SCOC: variants seen among roughly 807,000 people sequenced by gnomAD.
The protein encoded by SCOC is short coiled coil protein.
SCOC carries 7 observed loss-of-function variants against 9.9 expected under a neutral mutation model. The ratio of observed to expected loss-of-function variants is 0.71; its 90% confidence interval spans 0.40 to 1.33. The LOEUF (loss-of-function observed/expected upper bound fraction) is 1.33, where lower values mean the gene tolerates loss of function less well. SCOC is among the 40% of genes most tolerant of loss of function. The pLI is 0.01. For synonymous variants in SCOC, 19 were observed against 28.2 expected (o/e 0.67, Z 1.03); for missense variants, 66 against 89.7 (o/e 0.74, Z 1.07).
At chr4:140,360,714 T>G (rs1377886673) in intron 2 of SCOC, 1 of 152,232 alleles carries the variant, frequency 6.6e-6, no homozygotes, top group Non-Finnish European at 1.5e-5. Flanking sequence ...CCAATGTCTG[T>G]GGACCTGCCT....
intron 1 of SCOC, among the ~76,000 whole-genome samples, chr4:140,317,687 T>G (rs1439109831): frequency 6.9e-6 from 1 of 143,980 alleles, no homozygotes; most frequent in Non-Finnish European, 1.5e-5. Flanking sequence ...TTTATTTGTA[T>G]TATTATTATT....
chr4:140,377,192 G>T (rs358309), intron 1 of SCOC, among the ~76,000 whole-genome samples: 1 of 152,164 alleles, frequency 6.6e-6, no homozygotes, highest in Non-Finnish European at 1.5e-5. Context: ...CTGGTTACAG[G>T]TGTGCTTCTC....
chr4:140,312,996 A>G (rs183961472), intron 1 of SCOC, among the ~76,000 whole-genome samples: 43 of 152,204 alleles, frequency 2.8e-4, no homozygotes, highest in African/African-American at 1.0e-3. Context: ...ATGACATTTT[A>G]CATGTTAACT....
intron 1 of SCOC, among the ~76,000 whole-genome samples, chr4:140,276,654 A>G (rs1730990719): frequency 6.6e-6 from 1 of 151,074 alleles, no homozygotes; most frequent in African/African-American, 2.4e-5. Flanking sequence ...ACTGGGTTTC[A>G]CCATCTTGGG....
chr4:140,375,732 CAAA>C (rs1450050138), intron 1 of SCOC, among the ~76,000 whole-genome samples: 4 of 152,084 alleles, frequency 2.6e-5, no homozygotes, highest in Admixed American at 2.6e-4. Context: ...CTTAAATAAT[CAAA>C]AAAGTAATTC....
At chr4:140,282,404 A>T (rs1200066195) in intron 1 of SCOC, among the ~76,000 whole-genome samples, 1 of 152,204 alleles carries the variant, frequency 6.6e-6, no homozygotes, top group East Asian at 1.9e-4. Flanking sequence ...GTGAAAGCCT[A>T]TGTGGCAGGA....
Position 140,381,124 on chromosome 4 carries a change from T to C in SCOC, c.*20T>C. The C allele has an allele frequency of 1.9e-6, 3 of 1,560,144 alleles. No individual in the cohort carries two copies. The highest frequency in any genetic ancestry group is 2.6e-6 in the Non-Finnish European group (3 of 1,163,562). The stretch of plus-strand genomic sequence containing the variant: ...AAGTAAGGGATTGACACCCTTCTGT[T>C]TTATGGAATTGCTGCTGATCATTTT... On this transcript the variant is annotated 3_prime_UTR_variant, in exon 4 of 4. Coordinates refer to ENST00000608372, the MANE Select transcript of SCOC (RefSeq NM_001153484.2).
At chr4:140,313,897 G>A (rs894486292) in intron 1 of SCOC, among the ~76,000 whole-genome samples, 3 of 152,084 alleles carry the variant, frequency 2.0e-5, no homozygotes, top group Admixed American at 1.3e-4. Context: ...GGAGGCTGAG[G>A]CGGGTGGCTC....
chr4:140,343,864 TG>T (rs1366783708), intron 2 of SCOC, among the ~76,000 whole-genome samples: 8 of 152,212 alleles, frequency 5.3e-5, no homozygotes, highest in Non-Finnish European at 1.2e-4. Context: ...AATTAAGAGC[TG>T]TTTTTCTTTT....
chr4:140,373,816 G>A (rs1478064399), intron 1 of SCOC, 99 bp downstream of exon 1: 5 of 1,307,490 alleles, frequency 3.8e-6, no homozygotes, highest in African/African-American at 2.9e-5. Flanking sequence ...GGCTGGACGC[G>A]GCCCTGCGCA....
chr4:140,307,352 G>A (rs1188459913), intron 1 of SCOC, among the ~76,000 whole-genome samples: 1 of 152,184 alleles, frequency 6.6e-6, no homozygotes, highest in African/African-American at 2.4e-5. Context: ...GAGTTACCCA[G>A]ATCTTCTTTG....
At chr4:140,275,720 A>G (rs1331181388) in intron 1 of SCOC, among the ~76,000 whole-genome samples, 2 of 151,368 alleles carry the variant, frequency 1.3e-5, no homozygotes, top group East Asian at 3.9e-4. Context: ...ATAAATACGT[A>G]TTGAGGGATT....
At chr4:140,338,981 C>T (rs1338113968), upstream of SCOC, among the ~76,000 whole-genome samples, 1 of 152,194 alleles carries the variant, frequency 6.6e-6, no homozygotes, top group Non-Finnish European at 1.5e-5. Flanking sequence ...AAAAAGAGCA[C>T]ACATTGCCAA....
rs535907405 is a variant in SCOC, at chr4:140,286,774, A to T, written c.-19+29364A>T. On this transcript the variant is annotated intron_variant, in intron 1 of 4. Transcript: ENST00000394205. Reference sequence around the variant, plus strand: ...CGGGGCGCTGGAGCCGCTGTCAAGGACGACTGTGGGAGTCACGCAGCCTCT... The same window carrying T: ...CGGGGCGCTGGAGCCGCTGTCAAGGTCGACTGTGGGAGTCACGCAGCCTCT... Among the ~76,000 whole-genome samples the T allele has an allele frequency of 1.1e-4, 17 of 152,328 alleles. No homozygotes were observed. In the South Asian group the frequency reaches 2.3e-3, roughly 20 times the overall value.
intron 1 of SCOC, chr4:140,283,865 C>G (rs889683374): frequency 6.6e-6 from 1 of 152,178 alleles, no homozygotes; most frequent in African/African-American, 2.4e-5. Flanking sequence ...GGAGGTCACT[C>G]TATTAGTGAG....
chr4:140,327,630 A>G lies in SCOC; in HGVS notation c.-18-15991A>G, dbSNP rs573260798. ...ATAGCGAGACCCTGTTTCAAACAAA[A>G]CAAATGTTTTGTTTGAAATGCTTGA... On this transcript the variant is annotated intron_variant, in intron 1 of 4. Coordinates refer to the SCOC transcript ENST00000394205. Among the ~76,000 whole-genome samples the G allele has an allele frequency of 8.5e-5, 13 of 152,304 alleles. 1 individual carries two copies. In the South Asian group the frequency reaches 2.7e-3, roughly 32 times the overall value.
intron 2 of SCOC, among the ~76,000 whole-genome samples, chr4:140,361,619 A>C (rs1727472421): frequency 3.9e-5 from 6 of 152,172 alleles, no homozygotes; most frequent in Admixed American, 3.9e-4. Context: ...TGACTGTGCC[A>C]CTGCACTCCA....
intron 1 of SCOC, among the ~76,000 whole-genome samples, chr4:140,337,250 C>G (rs1254393306): frequency 6.6e-6 from 1 of 152,060 alleles, no homozygotes; most frequent in Non-Finnish European, 1.5e-5. Context: ...TTATGAAGTC[C>G]AATTTATCTA....
intron 1 of SCOC, among the ~76,000 whole-genome samples, chr4:140,262,541 T>C (rs1365745809): frequency 1.3e-5 from 2 of 152,224 alleles, no homozygotes; most frequent in Admixed American, 1.3e-4. Context: ...TTCTCCTGTT[T>C]CTGCTATAGA....
Sources: allele counts gnomAD v4.1 joint callset (sites outside exome capture counted in the v4.1 genomes callset), GRCh38; gene constraint gnomAD v4.1.1; transcripts MANE v1.5; gene names NCBI Gene and HGNC (gene_info 2026-07-23, HGNC 2026-07-21).